The following SH3BP1 variants were observed in gnomAD, a reference collection of about 807,000 sequenced individuals.
SH3BP1 encodes SH3 domain binding protein 1.
In SH3BP1, 46 loss-of-function variants were observed where a neutral mutation model predicts 69.8. That is an observed-to-expected ratio of 0.66 (90% CI 0.52 to 0.84). The LOEUF is 0.84. Among genes scored for constraint, SH3BP1 ranks in the 40% least tolerant of loss-of-function variants. SH3BP1 has a pLI of 0.00. For synonymous variants in SH3BP1, 403 were observed against 378.0 expected (o/e 1.07, Z -0.77); for missense variants, 868 against 930.9 (o/e 0.93, Z 0.88).
Position 37,642,102 on chromosome 22 carries a change from A to G in SH3BP1, c.208-437A>G, listed in dbSNP as rs535930880. 62 of 189,460 alleles carry G rather than the reference A, an allele frequency of 3.3e-4. No individual in the cohort carries two copies. In the South Asian group the frequency reaches 5.8e-3, roughly 18 times the overall value. 11.7% of individuals were successfully genotyped at this position (189,460 alleles called of 1,614,324 possible). A position where few individuals can be genotyped will look rare whatever the true frequency, so the allele number is the denominator to read the frequency against. ...TGGGGCCATGTTTTGGAATCAGTTG[A>G]CAATTCAGTGTGGCCAAGGCAAGGA... On this transcript the variant is annotated intron_variant, in intron 3 of 17. Transcript: ENST00000649765.
chr22:37,655,433 G>A lies in SH3BP1; in HGVS notation c.1855G>A (p.Val619Met). 1 of 1,047,682 alleles carries A rather than the reference G, an allele frequency of 9.5e-7. No individual in the cohort carries two copies. Among genetic ancestry groups the A allele is most frequent in the Admixed American group, 3.3e-5 (1 of 30,698 alleles). 64.9% of individuals were successfully genotyped at this position (1,047,682 alleles called of 1,614,324 possible). The change falls in exon 18 of 18, where the codon GTG becomes ATG. Residue 619 changes from valine to methionine, a missense_variant. Coordinates refer to ENST00000649765, the MANE Select transcript of SH3BP1 (RefSeq NM_018957.6). ...TGGCAGCAGCCTCCGAGCCCCCACAGTGCCACCCCCGTTACCCCCCACACC... is the reference window on the plus strand; with the variant it reads ...TGGCAGCAGCCTCCGAGCCCCCACAATGCCACCCCCGTTACCCCCCACACC... ...LVGSSLRAPT[V>M]PPPLPPTPPQ...
rs202048293 is a variant in SH3BP1 at position 37,646,964 on chromosome 22, G to T, written c.1036+35G>T. The T allele has an allele frequency of 5.7e-5, 79 of 1,395,212 alleles. 1 individual carries two copies. Among genetic ancestry groups the T allele is most frequent in the African/African-American group, 4.7e-4 (32 of 68,136 alleles). 86.4% of individuals were successfully genotyped at this position (1,395,212 alleles called of 1,614,324 possible). A position where few individuals can be genotyped will look rare whatever the true frequency, so the allele number is the denominator to read the frequency against. On this transcript the variant is annotated intron_variant, in intron 11 of 17. Transcript: ENST00000649765. ...CCGGGGAGCCCTGGGCAGGAGGTTG[G>T]GGGGGAGGGGGTGCAGTGGCTTGAA...
chr22:37,651,568 G>A (rs766730058), intron 16 of SH3BP1, among the ~76,000 whole-genome samples: 6 of 151,980 alleles, frequency 3.9e-5, no homozygotes, highest in East Asian at 1.9e-4. Context: ...GGCCTCAAGC[G>A]ATCCGCCTGC....
At chr22:37,653,950 T>C in intron 17 of SH3BP1, 77 bp downstream of exon 17, 9 of 1,092,044 alleles carry the variant, frequency 8.2e-6, no homozygotes, top group Non-Finnish European at 1.2e-5. Context: ...GGTCCTCCTA[T>C]CTTTTTAGGC....
chr22:37,645,111 T>C, intron 9 of SH3BP1, 151 bp downstream of exon 9: 1 of 861,436 alleles, frequency 1.2e-6, no homozygotes, highest in East Asian at 2.7e-5. Context: ...CAGCTCTGGC[T>C]ACTGTGTGGA....
chr22:37,649,573 C>T (rs546931719), intron 14 of SH3BP1, among the ~76,000 whole-genome samples: 2 of 152,088 alleles, frequency 1.3e-5, no homozygotes, highest in African/African-American at 2.4e-5. Context: ...CACCTGAGGT[C>T]GGGAGTTCGA....
Position 37,648,292 on chromosome 22 carries a change from C to T in SH3BP1, c.1200-27C>T, listed in dbSNP as rs771292518. The stretch of plus-strand genomic sequence containing the variant: ...TCTCAGGGCTGGGTGCGTTCTGCCC[C>T]TGGCCTAAGCCTGCCTCCGCCCTTA... On this transcript the variant is annotated intron_variant, in intron 13 of 17. Transcript: ENST00000649765. The T allele has an allele frequency of 3.9e-6, 6 of 1,523,768 alleles. No individual in the cohort carries two copies. In the African/African-American group the frequency reaches 6.8e-5, roughly 17 times the overall value. 94.4% of individuals were successfully genotyped at this position (1,523,768 alleles called of 1,614,324 possible). A position where few individuals can be genotyped will look rare whatever the true frequency, so the allele number is the denominator to read the frequency against.
At chr22:37,651,885 G>C (rs1319497868) in intron 16 of SH3BP1, among the ~76,000 whole-genome samples, 1 of 151,848 alleles carries the variant, frequency 6.6e-6, no homozygotes, top group Non-Finnish European at 1.5e-5. Context: ...TTAAGGGGGA[G>C]CGTGGGGGCT....
intron 1 of SH3BP1, chr22:37,640,310 CT>C (rs1327510316): frequency 6.5e-6 from 1 of 154,836 alleles, no homozygotes; most frequent in Non-Finnish European, 1.4e-5. Flanking sequence ...GGGCCTGCCC[CT>C]GGCCTGCAGC....
At chr22:37,644,146 G>A (rs1331544902) in intron 7 of SH3BP1, among the ~76,000 whole-genome samples, 1 of 152,226 alleles carries the variant, frequency 6.6e-6, no homozygotes, top group Admixed American at 6.5e-5. Flanking sequence ...TGGGGAGGCC[G>A]AGGCAGGCGA....
chr22:37,655,238 A>C, intron 17 of SH3BP1, 34 bp from the exon 18 acceptor site: 3 of 1,518,764 alleles, frequency 2.0e-6, no homozygotes, highest in Non-Finnish European at 2.7e-6. Flanking sequence ...CCACGTGGAC[A>C]CTCAGCCTCC....
Position 37,639,846 on chromosome 22 carries a change from GGTGA to G in SH3BP1, c.59+4_59+7del, listed in dbSNP as rs775182526. On this transcript the variant is annotated splice_donor_variant and splice_donor_region_variant and intron_variant, in intron 1 of 17. Transcript: ENST00000649765. LOFTEE classifies it high-confidence loss of function. ...CTGGCCCAGACGGGCAGCTTGGGAC[GGTGA>G]GTGTCACCCGCTTCCAGCCCCACTC... The G allele has an allele frequency of 2.6e-6, 4 of 1,568,190 alleles. No individual in the cohort carries two copies. The highest frequency in any genetic ancestry group is 2.3e-5 in the South Asian group (2 of 85,346).
chr22:37,655,305 C>T lies in SH3BP1; in HGVS notation c.1727C>T (p.Pro576Leu), dbSNP rs764572879. 15 of 1,569,658 alleles carry T rather than the reference C, an allele frequency of 9.6e-6. No homozygotes were observed. Among genetic ancestry groups the T allele is most frequent in the Admixed American group, 8.8e-5 (5 of 57,036 alleles). ...KRPAPARPTM[P>L]PPQVSGSRSS... is the part of the protein sequence containing the mutation. Reference sequence around the variant, plus strand: ...CCGGCGCCAGCCCGGCCCACCATGCCGCCCCCCCAGGTCTCCGGCTCCCGC... The same window carrying T: ...CCGGCGCCAGCCCGGCCCACCATGCTGCCCCCCCAGGTCTCCGGCTCCCGC... Residue 576 changes from proline to leucine, a missense_variant, in exon 18 of 18, where the codon CCG becomes CTG. By Grantham distance (98) the Pro-to-Leu change is moderately conservative. This residue lies in a region of SH3BP1 where 474 missense variants were observed against 462.3 expected (regional missense o/e 1.03). Coordinates refer to ENST00000649765, the MANE Select transcript of SH3BP1 (RefSeq NM_018957.6).
rs148469515 is a variant in SH3BP1, at chr22:37,646,424, T to C, written c.925-394T>C. Among the ~76,000 whole-genome samples, 552 of 152,032 alleles carry C rather than the reference T, an allele frequency of 3.6e-3. 2 individuals are homozygous for C. The highest frequency in any genetic ancestry group is 0.017 in the Middle Eastern group (5 of 294). On this transcript the variant is annotated intron_variant, in intron 10 of 17. Transcript: ENST00000649765. ...ATGCCCACCACCATGCCCAGCTAAT[T>C]TTTTTTATTTTAGTAGAAATGGGAT... is the stretch of plus-strand genomic sequence containing the variant.
At position 37,648,314 on chromosome 22, in the gene SH3BP1, C is replaced by G; in HGVS notation, c.1200-5C>G. On this transcript the variant is annotated splice_region_variant and splice_polypyrimidine_tract_variant and intron_variant, in intron 13 of 17. Transcript: ENST00000649765. Reference sequence around the variant, plus strand: ...CCCCTGGCCTAAGCCTGCCTCCGCCCTTAGGTACCTGATGAAGTTCCTGGC... The same window carrying G: ...CCCCTGGCCTAAGCCTGCCTCCGCCGTTAGGTACCTGATGAAGTTCCTGGC... 1 of 1,580,780 alleles carries G rather than the reference C, an allele frequency of 6.3e-7. No individual in the cohort carries two copies. Among genetic ancestry groups the G allele is most frequent in the East Asian group, 2.3e-5 (1 of 43,830 alleles).
chr22:37,652,806 C>T (rs897662363), intron 16 of SH3BP1, among the ~76,000 whole-genome samples: 1 of 121,978 alleles, frequency 8.2e-6, no homozygotes, highest in African/African-American at 3.3e-5. Context: ...GCCTGAGCAA[C>T]AAGAGTGAAA....
At chr22:37,643,258 A>G (rs1386822207) in intron 6 of SH3BP1, 84 bp downstream of exon 6, 2 of 1,210,938 alleles carry the variant, frequency 1.7e-6, no homozygotes, top group Non-Finnish European at 2.4e-6. Flanking sequence ...TGGCCACACC[A>G]GGAGGATGCT....
At chr22:37,650,111 T>C in intron 14 of SH3BP1, 41 bp from the exon 15 acceptor site, 1 of 1,609,710 alleles carries the variant, frequency 6.2e-7, no homozygotes, top group South Asian at 1.1e-5. Context: ...AGAGTTGGGG[T>C]CACAAACCCT....
intron 13 of SH3BP1, 25 bp downstream of exon 13, chr22:37,647,546 C>A: frequency 1.3e-6 from 2 of 1,571,900 alleles, no homozygotes; most frequent in Non-Finnish European, 1.7e-6. Context: ...GCCTCCCCAG[C>A]CTGCCGCAGA....
Sources: gnomAD v4.1 joint callset for allele counts (sites outside exome capture counted in the v4.1 genomes callset) on GRCh38, gnomAD v4.1.1 for gene constraint, gnomAD v4.1.1 regional missense constraint, MANE v1.5 for transcripts, NCBI Gene and HGNC (gene_info 2026-07-23, HGNC 2026-07-21) for gene names.